PSKH1: variants seen among roughly 807,000 people sequenced by gnomAD.
The protein encoded by PSKH1 is protein serine kinase H1.
PSKH1 carries 12 observed loss-of-function variants against 26.7 expected under a neutral mutation model. The observed-to-expected ratio is 0.45, with a 90% CI of 0.29 to 0.73. PSKH1 has a LOEUF of 0.73. Among genes scored for constraint, PSKH1 ranks in the 30% least tolerant of loss-of-function variants. The pLI, the probability that PSKH1 is intolerant of heterozygous loss-of-function variation, is 0.11. For synonymous variants in PSKH1, 213 were observed against 234.3 expected (o/e 0.91, Z 0.83); for missense variants, 431 against 595.2 (o/e 0.72, Z 2.87).
In PSKH1 at chr16:67,918,630, C is replaced by T. The variant is rs538630318; in HGVS notation, c.958-8695C>T. On this transcript the variant is annotated intron_variant, in intron 2 of 2. Coordinates refer to ENST00000291041, the MANE Select transcript of PSKH1 (RefSeq NM_006742.3). ...TTTTTGAGATGGAGTCTTACTCTGT[C>T]GCCCAGGCTGGAGTGCAGTGGTGTG... Among the ~76,000 whole-genome samples the T allele has an allele frequency of 1.5e-4, 22 of 147,420 alleles. No individual in the cohort carries two copies. The East Asian group carries it at 2.0e-3, about 13-fold the overall frequency.
chr16:67,921,816 G>T (rs1462393163), intron 2 of PSKH1, among the ~76,000 whole-genome samples: 3 of 152,168 alleles, frequency 2.0e-5, no homozygotes, highest in Non-Finnish European at 4.4e-5. Flanking sequence ...CTTGAGTTGT[G>T]TCCTGTCTCT....
intron 2 of PSKH1, among the ~76,000 whole-genome samples, chr16:67,926,168 G>T (rs776073348): frequency 6.6e-6 from 1 of 152,100 alleles, no homozygotes; most frequent in Admixed American, 6.5e-5. Context: ...GGTCCTAGCT[G>T]CCTATCCTTG....
chr16:67,902,078 G>A (rs550155352), intron 1 of PSKH1, among the ~76,000 whole-genome samples: 1 of 152,092 alleles, frequency 6.6e-6, no homozygotes, highest in South Asian at 2.1e-4. Context: ...TGGCCAATGT[G>A]TTGTAACCCT....
At position 67,929,472 on chromosome 16, in the gene PSKH1, C is replaced by T. The variant is rs892713517; in HGVS notation, c.*1830C>T. ...GACCTGAAGCCCTGGGGCTTACGTT[C>T]TCTCTTGCCCAGGGTGGGCCTGGTC... is the stretch of plus-strand genomic sequence containing the variant. On this transcript the variant is annotated 3_prime_UTR_variant, in exon 3 of 3. Transcript: ENST00000291041. The T allele has an allele frequency of 1.9e-5, 3 of 160,286 alleles. No homozygotes were observed. Among genetic ancestry groups the T allele is most frequent in the Non-Finnish European group, 4.2e-5 (3 of 72,152 alleles). 9.9% of individuals were successfully genotyped at this position (160,286 alleles called of 1,614,324 possible). A position where few individuals can be genotyped will look rare whatever the true frequency, so the allele number is the denominator to read the frequency against.
At chr16:67,911,421 G>A (rs933896636) in intron 2 of PSKH1, among the ~76,000 whole-genome samples, 5 of 152,020 alleles carry the variant, frequency 3.3e-5, no homozygotes, top group African/African-American at 1.2e-4. Context: ...GGTGGCTCAC[G>A]CCTGTAATCC....
intron 1 of PSKH1, among the ~76,000 whole-genome samples, chr16:67,898,074 A>G (rs2058131428): frequency 6.6e-6 from 1 of 150,852 alleles, no homozygotes. Flanking sequence ...CTGGTCTTGA[A>G]CTCTTGACCT....
At position 67,927,309 on chromosome 16, in the gene PSKH1, T is replaced by A; in HGVS notation, c.958-16T>A. ...TGTCAGATGCTCTCACTCTAATGCT[T>A]GTCCTTGGTCTCTAGCCCTGGCCTA... On this transcript the variant is annotated splice_polypyrimidine_tract_variant and intron_variant, in intron 2 of 2. Transcript: ENST00000291041. The surrounding 1 kb of genome is among the most constrained non-coding windows in gnomAD (Gnocchi z 5.5). 1 of 1,592,066 alleles carries A rather than the reference T, an allele frequency of 6.3e-7. No homozygotes were observed. Among genetic ancestry groups the A allele is most frequent in the Non-Finnish European group, 8.6e-7 (1 of 1,165,848 alleles).
In PSKH1 at chr16:67,927,586, CGGG is replaced by C. The variant is rs2058221105; in HGVS notation, c.1220_1222del (p.Arg407_Glu408delinsGln). The C allele has an allele frequency of 3.1e-6, 5 of 1,612,706 alleles. No homozygotes were observed. Among genetic ancestry groups the C allele is most frequent in the Non-Finnish European group, 4.2e-6 (5 of 1,179,936 alleles). Reference sequence around the variant, plus strand: ...ACGCTCCAATAAGTCACGCCGTGTGCGGGAACGGGAGCTGCGGGAGCTCAACCT... The same window carrying C: ...ACGCTCCAATAAGTCACGCCGTGTGCAACGGGAGCTGCGGGAGCTCAACCT... On this transcript the variant is annotated inframe_deletion, in exon 3 of 3. Coordinates refer to ENST00000291041, the MANE Select transcript of PSKH1 (RefSeq NM_006742.3). This position sits in a 1 kb window ranked among gnomAD's most constrained non-coding sequence, Gnocchi z 5.5.
Position 67,913,468 on chromosome 16 carries a change from AT to A in PSKH1, c.957+3773del, listed in dbSNP as rs555051134. ...TGGCCAAGACCCTGTCTTAAAAAAAATTTTTTTTTTTAAAAAGCCTGTCCTG... is the reference window on the plus strand; with the variant it reads ...TGGCCAAGACCCTGTCTTAAAAAAAATTTTTTTTTTAAAAAGCCTGTCCTG... On this transcript the variant is annotated intron_variant, in intron 2 of 2. Coordinates refer to ENST00000291041, the MANE Select transcript of PSKH1 (RefSeq NM_006742.3). 1.0e-2 allele frequency among the ~76,000 whole-genome samples: 1,499 copies of A among 150,072 alleles called. 24 individuals carry two copies. Among genetic ancestry groups the A allele is most frequent in the African/African-American group, 0.034 (1,404 of 40,922 alleles).
intron 1 of PSKH1, among the ~76,000 whole-genome samples, chr16:67,895,835 G>A (rs975589065): frequency 2.0e-5 from 3 of 152,238 alleles, no homozygotes; most frequent in African/African-American, 7.2e-5. Context: ...GTGGACTCCT[G>A]TTGTGGTCTC....
chr16:67,899,924 C>G (rs756680759), intron 1 of PSKH1, among the ~76,000 whole-genome samples: 3 of 147,948 alleles, frequency 2.0e-5, no homozygotes, highest in Non-Finnish European at 3.0e-5. Flanking sequence ...GCTAGGATTC[C>G]AGGCATGAGC....
intron 2 of PSKH1, among the ~76,000 whole-genome samples, chr16:67,925,147 G>A (rs2058212551): frequency 6.6e-6 from 1 of 151,806 alleles, no homozygotes; most frequent in African/African-American, 2.4e-5. Flanking sequence ...TATTGTGGCA[G>A]CTGTCTAGTC....
At chr16:67,895,389 A>C (rs1314507434) in intron 1 of PSKH1, among the ~76,000 whole-genome samples, 1 of 151,436 alleles carries the variant, frequency 6.6e-6, no homozygotes, top group Non-Finnish European at 1.5e-5. Context: ...TTGATGAAGA[A>C]GATCTGGGGT....
intron 1 of PSKH1, among the ~76,000 whole-genome samples, chr16:67,900,281 C>T (rs1163990064): frequency 6.6e-6 from 1 of 152,116 alleles, no homozygotes; most frequent in African/African-American, 2.4e-5. Context: ...TTCATTTGCT[C>T]TGAGTTCAGC....
intron 2 of PSKH1, among the ~76,000 whole-genome samples, chr16:67,921,066 A>G (rs1475042749): frequency 1.3e-5 from 2 of 151,902 alleles, no homozygotes; most frequent in African/African-American, 2.4e-5. Flanking sequence ...GGCATCTGAG[A>G]TCAGGAGTTT....
intron 2 of PSKH1, among the ~76,000 whole-genome samples, chr16:67,914,382 A>G (rs978026307): frequency 6.6e-6 from 1 of 151,402 alleles, no homozygotes; most frequent in Non-Finnish European, 1.5e-5. Context: ...CGAACTCCCA[A>G]CCTCAGGTGA....
At chr16:67,908,607 G>T (rs62059861) in intron 1 of PSKH1, 73 bp from the exon 2 acceptor site, 13 of 669,118 alleles carry the variant, frequency 1.9e-5, no homozygotes, top group African/African-American at 3.6e-5. Context: ...TCTGGAGAGG[G>T]AGGGCTGAGG....
chr16:67,903,607 T>C (rs1023088461), intron 1 of PSKH1, among the ~76,000 whole-genome samples: 1 of 151,910 alleles, frequency 6.6e-6, no homozygotes, highest in Non-Finnish European at 1.5e-5. Context: ...CATCAGATTC[T>C]GTATCTAGTA....
At chr16:67,912,487 T>A (rs962311948) in intron 2 of PSKH1, among the ~76,000 whole-genome samples, 1 of 152,180 alleles carries the variant, frequency 6.6e-6, no homozygotes, top group African/African-American at 2.4e-5. Flanking sequence ...CTCAGTAACG[T>A]TGGGGCAATG....
Sources: gnomAD v4.1 joint callset for allele counts (sites outside exome capture counted in the v4.1 genomes callset) on GRCh38, gnomAD v4.1.1 for gene constraint, Gnocchi (gnomAD v3.1) non-coding constraint, MANE v1.5 for transcripts, NCBI Gene and HGNC (gene_info 2026-07-23, HGNC 2026-07-21) for gene names.